The following MAGI2 variants were observed in gnomAD, a reference collection of about 807,000 sequenced individuals.
The protein encoded by MAGI2 is membrane-associated guanylate kinase, WW and PDZ domain-containing protein 2.
MAGI2 carries 35 observed loss-of-function variants against 133.3 expected under a neutral mutation model. The ratio of observed to expected loss-of-function variants is 0.26; its 90% CI spans 0.20 to 0.35. The LOEUF is 0.35. Among genes scored for constraint, MAGI2 ranks in the 10% least tolerant of loss-of-function variants. The pLI is 1.00. For missense variants in MAGI2, 1,636 were observed against 1,863.4 expected (o/e 0.88, Z 2.25); for synonymous variants, 729 against 710.6 (o/e 1.03, Z -0.41).
chr7:78,892,760 C>T lies in MAGI2; in HGVS notation c.418+114330G>A, dbSNP rs1386960241. On this transcript the variant is annotated intron_variant, in intron 2 of 21. Coordinates refer to ENST00000354212, the MANE Select transcript of MAGI2 (RefSeq NM_012301.4). Reference sequence around the variant, plus strand: ...GGATTAAAGACTTAAATGTTAGACCCAAAACCATAAAAACCCTAGAAGAAA... The same window carrying T: ...GGATTAAAGACTTAAATGTTAGACCTAAAACCATAAAAACCCTAGAAGAAA... Among the ~76,000 whole-genome samples, 6 of 152,048 alleles carry T rather than the reference C, an allele frequency of 3.9e-5. No homozygotes were observed. The South Asian group carries it at 1.0e-3, about 26-fold the overall frequency.
intron 1 of MAGI2, among the ~76,000 whole-genome samples, chr7:79,366,807 G>A (rs1391858792): frequency 6.6e-6 from 1 of 151,878 alleles, no homozygotes; most frequent in Non-Finnish European, 1.5e-5. Context: ...TATAACTATT[G>A]AAACAGAATT....
rs59973097 is a variant in MAGI2 at position 78,440,095 on chromosome 7, ATT to A, written c.1045+49664_1045+49665del. On this transcript the variant is annotated intron_variant, in intron 6 of 21. Transcript: ENST00000354212. The stretch of plus-strand genomic sequence containing the variant: ...CACATTTAAATATAAATATATTTAT[ATT>A]TAAAGTTACATTTAAATGTAATGAC... 6.5e-3 allele frequency among the ~76,000 whole-genome samples: 993 copies of A among 152,128 alleles called. 13 individuals carry two copies. The highest frequency in any genetic ancestry group is 0.02 in the African/African-American group (843 of 41,524).
intron 2 of MAGI2, among the ~76,000 whole-genome samples, chr7:78,933,418 T>TA (rs1390244683): frequency 6.6e-6 from 1 of 152,148 alleles, no homozygotes; most frequent in Non-Finnish European, 1.5e-5. Flanking sequence ...AAACTGTTGC[T>TA]AATGCTTAGA....
intron 3 of MAGI2, among the ~76,000 whole-genome samples, chr7:78,564,360 T>G (rs1800718813): frequency 6.6e-6 from 1 of 152,234 alleles, no homozygotes; most frequent in South Asian, 2.1e-4. Context: ...AAAAACATTC[T>G]GCTTTAGATT....
intron 2 of MAGI2, among the ~76,000 whole-genome samples, chr7:78,936,967 C>T (rs992443129): frequency 2.0e-5 from 3 of 151,834 alleles, no homozygotes; most frequent in Non-Finnish European, 2.9e-5. Context: ...AACAAAAATG[C>T]CCCAGTAACA....
rs3086258 is a variant in MAGI2 at position 78,775,320 on chromosome 7, T to TAAAAAAAAAAAA, written c.419-148093_419-148082dup. ...AGAGCGAGACTCTGTCGTCTCAAAT[T>TAAAAAAAAAAAA]AAAAAAAAAAAAAAAAAAAAAAAAA... On this transcript the variant is annotated intron_variant, in intron 2 of 21. Transcript: ENST00000354212. Among the ~76,000 whole-genome samples the TAAAAAAAAAAAA allele has an allele frequency of 7.8e-4, 45 of 57,374 alleles. 7 individuals are homozygous for TAAAAAAAAAAAA. The highest frequency in any genetic ancestry group is 1.1e-3 in the Non-Finnish European group (36 of 31,766). The allele number at this position is 57,374 out of a possible 152,430, so 37.6% of individuals were successfully genotyped here. A position where few individuals can be genotyped will look rare whatever the true frequency, so the allele number is the denominator to read the frequency against.
chr7:78,435,804 A>C (rs764549620), intron 6 of MAGI2, among the ~76,000 whole-genome samples: 1 of 152,204 alleles, frequency 6.6e-6, no homozygotes, highest in Non-Finnish European at 1.5e-5. Flanking sequence ...GTTCCTTGCT[A>C]AAGGCAAAAT....
At chr7:79,075,342 T>G (rs1815365962) in intron 1 of MAGI2, among the ~76,000 whole-genome samples, 1 of 152,146 alleles carries the variant, frequency 6.6e-6, no homozygotes, top group Non-Finnish European at 1.5e-5. Context: ...ACAAAGAATC[T>G]CATGTTACCA....
At chr7:78,737,643 T>C (rs1225919598) in intron 2 of MAGI2, among the ~76,000 whole-genome samples, 1 of 152,192 alleles carries the variant, frequency 6.6e-6, no homozygotes, top group Non-Finnish European at 1.5e-5. Flanking sequence ...CTGTCTTCTA[T>C]GAAGCCAGAA....
rs564447857 is a variant in MAGI2 at position 79,205,680 on chromosome 7, G to A, written c.302-198474C>T. Among the ~76,000 whole-genome samples the A allele has an allele frequency of 2.6e-5, 4 of 151,822 alleles. 1 individual carries two copies. The South Asian group carries it at 6.2e-4, about 24-fold the overall frequency. ...GACTACAATAATTTATTAAAGGATA[G>A]ACAGGATAAAAAGATATAAACTGTG... is the stretch of plus-strand genomic sequence containing the variant. On this transcript the variant is annotated intron_variant, in intron 1 of 21. Transcript: ENST00000354212.
chr7:78,249,810 C>A (rs550310684), intron 10 of MAGI2, among the ~76,000 whole-genome samples: 4 of 151,848 alleles, frequency 2.6e-5, no homozygotes, highest in Non-Finnish European at 5.9e-5. Flanking sequence ...ACTATAGTTA[C>A]CAATAATGTA....
chr7:78,326,079 A>G lies in MAGI2; in HGVS notation c.1408+17699T>C, dbSNP rs1319888907. ...CTCTGTTGTCTCCTAGGCTTCAGGC[A>G]TAACAGACAAGCTGATGGTTCTCCA... On this transcript the variant is annotated intron_variant, in intron 9 of 21. Coordinates refer to ENST00000354212, the MANE Select transcript of MAGI2 (RefSeq NM_012301.4). Among the ~76,000 whole-genome samples the G allele has an allele frequency of 2.0e-5, 3 of 152,292 alleles. No individual in the cohort carries two copies. The East Asian group carries it at 5.8e-4, about 29-fold the overall frequency.
rs1819420866 is a variant in MAGI2 at position 78,713,626 on chromosome 7, C to T, written c.419-86387G>A. On this transcript the variant is annotated intron_variant, in intron 2 of 21. Transcript: ENST00000354212. ...CCCCATGAAACCTTGAATGGCGGTA[C>T]ATTAAAAAACAAGAACCTTCAAAAT... is the stretch of plus-strand genomic sequence containing the variant. Among the ~76,000 whole-genome samples, 2 of 152,076 alleles carry T rather than the reference C, an allele frequency of 1.3e-5. 1 individual carries two copies. Among genetic ancestry groups the T allele is most frequent in the Non-Finnish European group, 2.9e-5 (2 of 67,998 alleles).
At chr7:79,168,905 T>G (rs200859560) in intron 1 of MAGI2, among the ~76,000 whole-genome samples, 12 of 9,244 alleles carry the variant, frequency 1.3e-3, no homozygotes, top group South Asian at 4.1e-3. Context: ...TATATATATA[T>G]ATATATATAT....
chr7:78,189,462 G>A (rs1828007027), intron 12 of MAGI2, among the ~76,000 whole-genome samples: 2 of 152,126 alleles, frequency 1.3e-5, no homozygotes, highest in Non-Finnish European at 1.5e-5. Flanking sequence ...AGAAATTTCT[G>A]TTCTAAAGAG....
intron 2 of MAGI2, among the ~76,000 whole-genome samples, chr7:78,714,639 C>T (rs1413924838): frequency 6.6e-6 from 1 of 152,112 alleles, no homozygotes; most frequent in African/African-American, 2.4e-5. Context: ...GTTTGTTGTA[C>T]GTTATCTGTA....
intron 2 of MAGI2, among the ~76,000 whole-genome samples, chr7:78,714,400 C>G (rs1457204446): frequency 2.0e-5 from 3 of 152,164 alleles, no homozygotes; most frequent in Non-Finnish European, 4.4e-5. Flanking sequence ...CTAAGCTACT[C>G]GGTGCATGCC....
intron 2 of MAGI2, among the ~76,000 whole-genome samples, chr7:78,999,140 A>C (rs4730596): frequency 2.0e-5 from 3 of 151,738 alleles, no homozygotes; most frequent in Non-Finnish European, 4.4e-5. Context: ...TTCCTATGGA[A>C]AGCCTCCCTC....
rs560902856 is a variant in MAGI2, at chr7:79,446,281, C to G, written c.301+6739G>C. Reference sequence around the variant, plus strand: ...TGTATACATATGTAACTAACCTGCACGTTGAGCACGTGTACCCCGAAATTT... The same window carrying G: ...TGTATACATATGTAACTAACCTGCAGGTTGAGCACGTGTACCCCGAAATTT... On this transcript the variant is annotated intron_variant, in intron 1 of 21. Coordinates refer to ENST00000354212, the MANE Select transcript of MAGI2 (RefSeq NM_012301.4). 2.0e-5 allele frequency among the ~76,000 whole-genome samples: 3 copies of G among 152,078 alleles called. No homozygotes were observed. The South Asian group carries it at 6.3e-4, about 32-fold the overall frequency.
Sources: allele counts gnomAD v4.1 joint callset (sites outside exome capture counted in the v4.1 genomes callset), GRCh38; gene constraint gnomAD v4.1.1; transcripts MANE v1.5; gene names NCBI Gene and HGNC (gene_info 2026-07-23, HGNC 2026-07-21).